COL21A1: variants seen among roughly 807,000 people sequenced by gnomAD.
COL21A1 encodes collagen alpha-1(XXI) chain.
A neutral mutation model predicts 137.9 loss-of-function variants in COL21A1; 149 were observed. The observed-to-expected ratio is 1.08, with a 90% CI of 0.95 to 1.24. The LOEUF (loss-of-function observed/expected upper bound fraction) is 1.24. Ranked by LOEUF, COL21A1 falls within the 50% of genes most tolerant of loss-of-function variation. The pLI, the probability that COL21A1 is intolerant of heterozygous loss-of-function variation, is 0.00. For missense variants in COL21A1, 1,167 were observed against 1,158.4 expected, an observed-to-expected ratio of 1.01 and a Z score of -0.11; for synonymous variants, 456 against 391.5, an observed-to-expected ratio of 1.16 and a Z score of -1.95.
chr6:56,274,231 C>A (rs749595165), intron 1 of COL21A1, among the ~76,000 whole-genome samples: 3 of 152,112 alleles, frequency 2.0e-5, no homozygotes, highest in African/African-American at 4.8e-5. Flanking sequence ...ATAATAGGAG[C>A]CATCTATGAC....
chr6:56,336,062 G>A (rs1765324957), intron 1 of COL21A1, among the ~76,000 whole-genome samples: 1 of 152,202 alleles, frequency 6.6e-6, no homozygotes, highest in Non-Finnish European at 1.5e-5. Flanking sequence ...CTTGCTGTGT[G>A]CTAAGTTCTT....
intron 3 of COL21A1, among the ~76,000 whole-genome samples, chr6:56,177,401 T>G (rs547610765): frequency 6.6e-6 from 1 of 152,302 alleles, no homozygotes; most frequent in African/African-American, 2.4e-5. Flanking sequence ...AGCATGTGAA[T>G]TTATCAAATG....
intron 1 of COL21A1, among the ~76,000 whole-genome samples, chr6:56,263,434 A>G (rs897897233): frequency 6.6e-6 from 1 of 152,192 alleles, no homozygotes; most frequent in Admixed American, 6.6e-5. Flanking sequence ...TACTCTATGG[A>G]GTAGTGAATG....
At chr6:56,351,179 T>C (rs1765702833) in intron 1 of COL21A1, among the ~76,000 whole-genome samples, 1 of 152,272 alleles carries the variant, frequency 6.6e-6, no homozygotes, top group South Asian at 2.1e-4. Context: ...ATGCTTTGTA[T>C]GACTTTAGCA....
At chr6:56,191,267 A>T (rs893178511) in intron 1 of COL21A1, among the ~76,000 whole-genome samples, 46 of 152,294 alleles carry the variant, frequency 3.0e-4, no homozygotes, top group African/African-American at 1.0e-3. Context: ...CTCAGGATAC[A>T]AAATCAATGT....
At chr6:56,186,594 A>C (rs571043761) in intron 1 of COL21A1, among the ~76,000 whole-genome samples, 1 of 152,344 alleles carries the variant, frequency 6.6e-6, no homozygotes, top group East Asian at 1.9e-4. Context: ...GATAATCTAC[A>C]TAGAAAGTGG....
chr6:56,163,729 A>T (rs1776364186), intron 9 of COL21A1, among the ~76,000 whole-genome samples: 1 of 151,904 alleles, frequency 6.6e-6, no homozygotes, highest in Non-Finnish European at 1.5e-5. Context: ...AAATTTAGTC[A>T]TTAATATTAA....
At chr6:56,245,168 G>A (rs1378893843) in intron 1 of COL21A1, among the ~76,000 whole-genome samples, 2 of 151,384 alleles carry the variant, frequency 1.3e-5, no homozygotes, top group Non-Finnish European at 2.9e-5. Context: ...AGCTTTCCTG[G>A]AGACTACACC....
At chr6:56,258,546 T>A (rs1343033431) in intron 1 of COL21A1, among the ~76,000 whole-genome samples, 1 of 152,062 alleles carries the variant, frequency 6.6e-6, no homozygotes, top group African/African-American at 2.4e-5. Flanking sequence ...TATGACAAGA[T>A]AAAGATGCTG....
At chr6:56,277,773 C>T (rs904110458) in intron 1 of COL21A1, among the ~76,000 whole-genome samples, 2 of 152,078 alleles carry the variant, frequency 1.3e-5, no homozygotes, top group Admixed American at 6.5e-5. Flanking sequence ...TACAGATAAG[C>T]ATGTGAACCA....
rs772254312 is a variant in COL21A1 at position 56,067,444 on chromosome 6, T to C, written c.2092-114A>G. 3.6e-6 allele frequency: 3 copies of C among 834,722 alleles called. No individual in the cohort carries two copies. The South Asian group carries it at 5.7e-5, about 16-fold the overall frequency. 51.7% of individuals were successfully genotyped at this position (834,722 alleles called of 1,614,324 possible). On this transcript the variant is annotated intron_variant, in intron 22 of 29. Transcript: ENST00000244728. ...CAACATCTCGTGCAAACTCCACAAG[T>C]GCCTGTATACACAGAAGTTGACTCC...
At chr6:56,064,735 C>A (rs866763278) in intron 23 of COL21A1, 113 bp from the exon 24 acceptor site, 11 of 557,874 alleles carry the variant, frequency 2.0e-5, no homozygotes, top group Middle Eastern at 2.8e-4. Flanking sequence ...ACAAAAGCAG[C>A]GATACAAATA....
intron 12 of COL21A1, among the ~76,000 whole-genome samples, chr6:56,136,130 T>G (rs1773980898): frequency 6.6e-6 from 1 of 152,222 alleles, no homozygotes; most frequent in South Asian, 2.1e-4. Flanking sequence ...TTTGATTCTC[T>G]CTGCACCTGC....
chr6:56,351,202 T>C (rs1001015477), intron 1 of COL21A1, among the ~76,000 whole-genome samples: 16 of 152,338 alleles, frequency 1.1e-4, no homozygotes, highest in Middle Eastern at 3.4e-3. Context: ...ACTGCTAAAC[T>C]CTCTTTGGGT....
At chr6:56,191,843 A>G (rs1561968025) in intron 1 of COL21A1, among the ~76,000 whole-genome samples, 1 of 151,910 alleles carries the variant, frequency 6.6e-6, no homozygotes, top group Non-Finnish European at 1.5e-5. Flanking sequence ...GGAACTGGAA[A>G]AAACTACTTT....
At chr6:56,212,633 A>C (rs1409220963) in intron 1 of COL21A1, among the ~76,000 whole-genome samples, 100 of 152,192 alleles carry the variant, frequency 6.6e-4, no homozygotes, top group Non-Finnish European at 1.0e-4. Context: ...CTAGGAAAAA[A>C]CTATAGCTTG....
intron 17 of COL21A1, 47 bp downstream of exon 17, chr6:56,101,425 C>G (rs1770446376): frequency 7.1e-7 from 1 of 1,399,324 alleles, no homozygotes; most frequent in Non-Finnish European, 9.9e-7. Flanking sequence ...GATTTCGTAA[C>G]AGGAAAAGAA....
In COL21A1 at chr6:56,168,219, G is replaced by A. The variant is rs1358781873; in HGVS notation, c.1105C>T (p.Gln369Ter). The change falls in exon 6 of 30, where the codon CAA becomes TAA. Residue 369 changes from glutamine to a stop codon, truncating the protein, a stop_gained. Coordinates refer to ENST00000244728, the MANE Select transcript of COL21A1 (RefSeq NM_030820.4). LOFTEE classifies it high-confidence loss of function. The stretch of plus-strand genomic sequence containing the variant: ...GGATGTAAGGGCTTGTTTTCAATTT[G>A]TTGGTCATCAATATACAAAGTCACA... ...QDVTLYIDDQ[Q>*]IENKPLHPVL... is the part of the protein sequence containing the mutation. The A allele has an allele frequency of 1.9e-6, 3 of 1,571,298 alleles. No individual in the cohort carries two copies. The highest frequency in any genetic ancestry group is 2.6e-6 in the Non-Finnish European group (3 of 1,155,904).
chr6:56,333,596 C>G (rs188931451), intron 1 of COL21A1, among the ~76,000 whole-genome samples: 1 of 152,180 alleles, frequency 6.6e-6, no homozygotes, highest in African/African-American at 2.4e-5. Flanking sequence ...TGAACATTCA[C>G]GTGTTAAGTC....
Sources: gnomAD v4.1 joint callset for allele counts (sites outside exome capture counted in the v4.1 genomes callset) on GRCh38, gnomAD v4.1.1 for gene constraint, MANE v1.5 for transcripts, NCBI Gene and HGNC (gene_info 2026-07-23, HGNC 2026-07-21) for gene names.